Variants in HPSE2 observed in about 807,000 individuals in gnomAD.
The protein encoded by HPSE2 is heparanase 2 (inactive).
A neutral mutation model predicts 60.5 loss-of-function variants in HPSE2; 38 were observed. That is an observed-to-expected ratio of 0.63 (90% CI 0.48 to 0.82). HPSE2 has a LOEUF of 0.82. Among genes scored for constraint, HPSE2 ranks in the 40% least tolerant of loss-of-function variants. The pLI, the probability that HPSE2 is intolerant of heterozygous loss-of-function variation, is 0.00. For missense variants in HPSE2, 713 were observed against 740.4 expected, an observed-to-expected ratio of 0.96 and a Z score of 0.43; for synonymous variants, 295 against 293.2, an observed-to-expected ratio of 1.01 and a Z score of -0.06.
At chr10:98,699,648 T>C (rs61884578) in intron 5 of HPSE2, among the ~76,000 whole-genome samples, 40,831 of 102,374 alleles carry the variant, frequency 0.4, 10,312 homozygotes, top group South Asian at 0.67. Context: ...CCAGGGCAAT[T>C]AGGCAGGAGA....
At chr10:98,653,534 G>T (rs979933522) in intron 6 of HPSE2, among the ~76,000 whole-genome samples, 6 of 148,294 alleles carry the variant, frequency 4.0e-5, no homozygotes, top group Middle Eastern at 3.5e-3. Flanking sequence ...ATTTTATGTG[G>T]TTGCCCTAGA....
intron 3 of HPSE2, among the ~76,000 whole-genome samples, chr10:99,098,002 C>T (rs559584556): frequency 3.5e-4 from 53 of 152,312 alleles, no homozygotes; most frequent in African/African-American, 1.2e-3. Flanking sequence ...ATACTTCCCG[C>T]TGAGGGTCTA....
rs534845062 is a variant in HPSE2, at chr10:98,934,775, G to A, written c.611-190719C>T. Among the ~76,000 whole-genome samples, 4 of 143,460 alleles carry A rather than the reference G, an allele frequency of 2.8e-5. 1 individual carries two copies. In the South Asian group the frequency reaches 8.5e-4, roughly 30 times the overall value. The allele number at this position is 143,460 out of a possible 152,430, so 94.1% of individuals were successfully genotyped here. A position where few individuals can be genotyped will look rare whatever the true frequency, so the allele number is the denominator to read the frequency against. Reference sequence around the variant, plus strand: ...GTGCCTTGGGGCAGATCTTTTTGTGGAGTATCTTATTGGGGTTCTTTGGAT... The same window carrying A: ...GTGCCTTGGGGCAGATCTTTTTGTGAAGTATCTTATTGGGGTTCTTTGGAT... On this transcript the variant is annotated intron_variant, in intron 3 of 11. Transcript: ENST00000370552.
intron 3 of HPSE2, among the ~76,000 whole-genome samples, chr10:99,102,349 A>T (rs2135646111): frequency 6.6e-6 from 1 of 152,322 alleles, no homozygotes; most frequent in African/African-American, 2.4e-5. Context: ...GAATACTATA[A>T]ACACCTCTAC....
At position 98,931,388 on chromosome 10, in the gene HPSE2, G is replaced by A. The variant is rs1434948089; in HGVS notation, c.611-187332C>T. 1.4e-5 allele frequency among the ~76,000 whole-genome samples: 2 copies of A among 144,212 alleles called. 1 individual carries two copies. Among genetic ancestry groups the A allele is most frequent in the Non-Finnish European group, 3.0e-5 (2 of 67,220 alleles). 94.6% of individuals were successfully genotyped at this position (144,212 alleles called of 152,430 possible). ...TTACTATGGCCTTGTAGTACAGTTT[G>A]AAGTTGGGTAGCATGATGCCTCTGG... On this transcript the variant is annotated intron_variant, in intron 3 of 11. Coordinates refer to ENST00000370552, the MANE Select transcript of HPSE2 (RefSeq NM_021828.5).
intron 6 of HPSE2, among the ~76,000 whole-genome samples, chr10:98,682,395 G>A (rs1947809742): frequency 6.6e-6 from 1 of 152,182 alleles, no homozygotes; most frequent in South Asian, 2.1e-4. Flanking sequence ...TGTCTCAGGT[G>A]TTTATGGCAA....
chr10:99,252,772 G>C, the HPSE2 span, among the ~76,000 whole-genome samples: 1 of 151,776 alleles, frequency 6.6e-6, no homozygotes, highest in Non-Finnish European at 1.5e-5. Flanking sequence ...AGCTACTCGA[G>C]AGGCTGAGGC....
At chr10:98,462,680 G>A (rs1940348323) in intron 11 of HPSE2, among the ~76,000 whole-genome samples, 1 of 152,008 alleles carries the variant, frequency 6.6e-6, no homozygotes, top group South Asian at 2.1e-4. Context: ...TTTTTTGAGA[G>A]GGAGCCATTC....
chr10:98,514,058 A>G (rs1942509569), intron 9 of HPSE2, among the ~76,000 whole-genome samples: 1 of 152,136 alleles, frequency 6.6e-6, no homozygotes, highest in Non-Finnish European at 1.5e-5. Context: ...GTATATATAT[A>G]TATTTATATA....
chr10:99,178,274 A>G (rs1184581032), intron 2 of HPSE2, among the ~76,000 whole-genome samples: 1 of 151,860 alleles, frequency 6.6e-6, no homozygotes, highest in Non-Finnish European at 1.5e-5. Flanking sequence ...ACATCACAGC[A>G]GAACTGAAGG....
chr10:99,144,399 T>G lies in HPSE2; in HGVS notation c.449A>C (p.Asp150Ala). The change falls in exon 3 of 12, where the codon GAC becomes GCC. Residue 150 changes from aspartate to alanine, a missense_variant and splice_region_variant. Coordinates refer to ENST00000370552, the MANE Select transcript of HPSE2 (RefSeq NM_021828.5). ...PDYYLKNYED[D>A]IVRSDVALDK... is the part of the protein sequence containing the mutation. ...TAAGGCAACATCACTTCGAACAATGTCTACAAAAAGAAAGAAAGAAGGCAG... is the reference window on the plus strand; with the variant it reads ...TAAGGCAACATCACTTCGAACAATGGCTACAAAAAGAAAGAAAGAAGGCAG... 6.2e-7 allele frequency: 1 copy of G among 1,613,120 alleles called. No individual in the cohort carries two copies. Among genetic ancestry groups the G allele is most frequent in the Non-Finnish European group, 8.5e-7 (1 of 1,179,926 alleles).
chr10:98,693,964 G>GA lies in HPSE2; in HGVS notation c.957-18dup. ...TTCATGAATCTGTAAGGAATAGAAAGAAAAAAGATATTACAACTTAGATTA... is the reference window on the plus strand; with the variant it reads ...TTCATGAATCTGTAAGGAATAGAAAGAAAAAAAGATATTACAACTTAGATTA... On this transcript the variant is annotated splice_polypyrimidine_tract_variant and intron_variant, in intron 5 of 11. Coordinates refer to ENST00000370552, the MANE Select transcript of HPSE2 (RefSeq NM_021828.5). 2 of 1,564,942 alleles carry GA rather than the reference G, an allele frequency of 1.3e-6. No homozygotes were observed. Among genetic ancestry groups the GA allele is most frequent in the Non-Finnish European group, 1.7e-6 (2 of 1,144,814 alleles).
At chr10:98,647,382 C>T (rs979826184) in intron 6 of HPSE2, among the ~76,000 whole-genome samples, 1 of 152,228 alleles carries the variant, frequency 6.6e-6, no homozygotes, top group Admixed American at 6.5e-5. Flanking sequence ...CCTTTATTAT[C>T]TGACCCCTTC....
chr10:98,600,917 A>ATG (rs10682909), intron 9 of HPSE2, among the ~76,000 whole-genome samples: 18 of 47,986 alleles, frequency 3.8e-4, no homozygotes, highest in Admixed American at 6.0e-4. Context: ...GTGTGTATAT[A>ATG]TATATATATA....
chr10:99,259,239 G>C, the HPSE2 span, among the ~76,000 whole-genome samples: 2 of 151,030 alleles, frequency 1.3e-5, no homozygotes, highest in South Asian at 2.1e-4. Flanking sequence ...CTGGGAGGTG[G>C]AGGTTGCAGT....
chr10:98,686,601 C>T (rs1054613769), intron 6 of HPSE2, among the ~76,000 whole-genome samples: 1 of 152,104 alleles, frequency 6.6e-6, no homozygotes, highest in Non-Finnish European at 1.5e-5. Flanking sequence ...ATGGAAGTCT[C>T]GCTATGTTGC....
intron 6 of HPSE2, among the ~76,000 whole-genome samples, chr10:98,657,193 G>C (rs1316047877): frequency 7.7e-6 from 1 of 130,070 alleles, no homozygotes; most frequent in Non-Finnish European, 1.6e-5. Context: ...AACCAGAAGA[G>C]AGGTTGAGAG....
chr10:98,863,225 G>T (rs139945950), intron 3 of HPSE2, among the ~76,000 whole-genome samples: 2 of 152,070 alleles, frequency 1.3e-5, no homozygotes, highest in Non-Finnish European at 2.9e-5. Context: ...AATTGGAAAA[G>T]AAAATTACAA....
At chr10:98,584,636 T>C (rs1944890624) in intron 9 of HPSE2, among the ~76,000 whole-genome samples, 1 of 152,212 alleles carries the variant, frequency 6.6e-6, no homozygotes, top group South Asian at 2.1e-4. Context: ...TCATAATCCT[T>C]AGCTAATCTT....
Sources: allele counts gnomAD v4.1 joint callset (sites outside exome capture counted in the v4.1 genomes callset), GRCh38; gene constraint gnomAD v4.1.1; transcripts MANE v1.5; gene names NCBI Gene and HGNC (gene_info 2026-07-23, HGNC 2026-07-21).